The following FAM227B variants were observed in gnomAD, a reference collection of about 807,000 sequenced individuals.
FAM227B encodes protein FAM227B.
In FAM227B, 88 loss-of-function variants were observed where a neutral mutation model predicts 73.8. The observed-to-expected ratio is 1.19, with a 90% CI of 1.00 to 1.42. The LOEUF (loss-of-function observed/expected upper bound fraction) is 1.42. Among genes scored for constraint, FAM227B ranks in the 40% most tolerant of loss-of-function variants. The probability of loss-of-function intolerance (pLI) is 0.00; values close to 1 mark genes in which losing one functional copy is unlikely to be tolerated. For synonymous variants in FAM227B, 210 were observed against 190.5 expected, an observed-to-expected ratio of 1.10 and a Z score of -0.84; for missense variants, 632 against 590.9, an observed-to-expected ratio of 1.07 and a Z score of -0.72.
At chr15:49,382,682 C>G (rs961234675) in intron 11 of FAM227B, among the ~76,000 whole-genome samples, 2 of 151,996 alleles carry the variant, frequency 1.3e-5, no homozygotes, top group Non-Finnish European at 2.9e-5. Flanking sequence ...ACAAGGACAT[C>G]TTATTCATTA....
intron 13 of FAM227B, among the ~76,000 whole-genome samples, chr15:49,361,092 T>C (rs1005861667): frequency 3.9e-5 from 6 of 152,166 alleles, no homozygotes; most frequent in African/African-American, 1.4e-4. Flanking sequence ...GATAAGTATT[T>C]AAGGTGATGA....
chr15:49,457,379 A>C (rs2053406442), intron 11 of FAM227B, among the ~76,000 whole-genome samples: 1 of 152,054 alleles, frequency 6.6e-6, no homozygotes, highest in Admixed American at 6.6e-5. Context: ...TATGAGAGAT[A>C]ACTTTTTTAA....
At chr15:49,513,672 A>G (rs1186360500) in intron 10 of FAM227B, among the ~76,000 whole-genome samples, 1 of 152,140 alleles carries the variant, frequency 6.6e-6, no homozygotes, top group Non-Finnish European at 1.5e-5. Flanking sequence ...ATCTTTGCCC[A>G]TGCCTATGTC....
chr15:49,441,984 G>A (rs2051696549), intron 11 of FAM227B, among the ~76,000 whole-genome samples: 1 of 151,118 alleles, frequency 6.6e-6, no homozygotes, highest in Non-Finnish European at 1.5e-5. Context: ...TTGAGGGCGG[G>A]GAACTTTTCT....
chr15:49,521,111 G>A (rs1360691534), intron 10 of FAM227B, among the ~76,000 whole-genome samples: 1 of 152,118 alleles, frequency 6.6e-6, no homozygotes, highest in Non-Finnish European at 1.5e-5. Flanking sequence ...TGAGGTGGTG[G>A]GTGCCATACT....
chr15:49,590,896 A>G (rs2076482866), intron 3 of FAM227B, among the ~76,000 whole-genome samples: 1 of 151,994 alleles, frequency 6.6e-6, no homozygotes, highest in South Asian at 2.1e-4. Flanking sequence ...CATTCCACTT[A>G]TAAGTGAGAT....
intron 3 of FAM227B, 25 bp from the exon 4 acceptor site, chr15:49,590,032 T>A: frequency 8.6e-7 from 1 of 1,164,358 alleles, no homozygotes; most frequent in Non-Finnish European, 1.3e-6. Context: ...AAAGAGAGAA[T>A]ATAGCTTAAG....
chr15:49,559,088 C>T (rs34127708), intron 9 of FAM227B, among the ~76,000 whole-genome samples: 68,447 of 151,664 alleles, frequency 0.45, 16,018 homozygotes, highest in East Asian at 0.74. Context: ...CTCAACCTCA[C>T]TGTAGTCCAG....
At chr15:49,365,967 G>T (rs1410988908) in intron 13 of FAM227B, 2 of 853,898 alleles carry the variant, frequency 2.3e-6, no homozygotes, top group Non-Finnish European at 4.1e-6. Context: ...ATTTGTGGAA[G>T]AAATAAAGTA....
chr15:49,422,231 A>G (rs1234254059), intron 11 of FAM227B, among the ~76,000 whole-genome samples: 1 of 152,156 alleles, frequency 6.6e-6, no homozygotes, highest in Admixed American at 6.6e-5. Context: ...TAATTTTAAT[A>G]TACTTTCTTA....
At chr15:49,439,224 T>C (rs2051393408) in intron 11 of FAM227B, among the ~76,000 whole-genome samples, 1 of 151,184 alleles carries the variant, frequency 6.6e-6, no homozygotes. Context: ...GCTTCCTGAG[T>C]GTCCTTATAA....
chr15:49,393,664 G>A (rs2047370074), intron 11 of FAM227B, among the ~76,000 whole-genome samples: 1 of 152,060 alleles, frequency 6.6e-6, no homozygotes, highest in African/African-American at 2.4e-5. Flanking sequence ...AATAAGGATT[G>A]GCTCTTACAA....
intron 11 of FAM227B, among the ~76,000 whole-genome samples, chr15:49,445,758 A>G (rs2052141856): frequency 6.6e-6 from 1 of 151,586 alleles, no homozygotes; most frequent in Non-Finnish European, 1.5e-5. Context: ...GTATCTGTTT[A>G]AAGTCCTGCT....
intron 11 of FAM227B, among the ~76,000 whole-genome samples, chr15:49,454,526 C>T (rs1001702501): frequency 3.9e-5 from 6 of 152,286 alleles, no homozygotes; most frequent in Middle Eastern, 6.8e-3. Flanking sequence ...ACATTGGTTC[C>T]ACTTAACTTA....
At chr15:49,550,107 G>A (rs1218131922) in intron 9 of FAM227B, among the ~76,000 whole-genome samples, 29 of 144,178 alleles carry the variant, frequency 2.0e-4, no homozygotes, top group African/African-American at 7.0e-4. Context: ...GCCGGGCAGG[G>A]GGCTGACCCC....
intron 3 of FAM227B, among the ~76,000 whole-genome samples, chr15:49,592,178 CAA>C (rs981977453): frequency 6.6e-6 from 1 of 152,144 alleles, no homozygotes; most frequent in Non-Finnish European, 1.5e-5. Context: ...GTCAACTCAT[CAA>C]AGTCATTCTC....
intron 11 of FAM227B, among the ~76,000 whole-genome samples, chr15:49,495,437 G>A (rs2057513395): frequency 6.6e-6 from 1 of 152,030 alleles, no homozygotes; most frequent in Admixed American, 6.6e-5. Context: ...TGTTCATATA[G>A]TCTTTCTCTA....
At chr15:49,533,070 C>A (rs999451777) in intron 10 of FAM227B, among the ~76,000 whole-genome samples, 3 of 151,828 alleles carry the variant, frequency 2.0e-5, no homozygotes, top group Non-Finnish European at 2.9e-5. Flanking sequence ...TTTGTTGTAT[C>A]CCATAAGTTT....
At chr15:49,384,698 C>A in intron 11 of FAM227B, among the ~76,000 whole-genome samples, 1 of 151,532 alleles carries the variant, frequency 6.6e-6, no homozygotes, top group East Asian at 1.9e-4. Flanking sequence ...CACAAAAATG[C>A]CTTATAAACT....
Sources: allele counts gnomAD v4.1 joint callset (sites outside exome capture counted in the v4.1 genomes callset), GRCh38; gene constraint gnomAD v4.1.1; transcripts MANE v1.5; gene names NCBI Gene and HGNC (gene_info 2026-07-23, HGNC 2026-07-21).